The following BLK variants were observed in gnomAD, a reference collection of about 807,000 sequenced individuals.
BLK encodes the protein tyrosine-protein kinase Blk.
Under a neutral mutation model 61.8 loss-of-function variants are expected in BLK, and 64 were observed. That is an observed-to-expected ratio of 1.03 (90% confidence interval 0.85 to 1.27). BLK has a LOEUF of 1.27. Ranked by LOEUF, BLK falls within the 50% of genes most tolerant of loss-of-function variation. The probability of loss-of-function intolerance (pLI) is 0.00; values close to 1 mark genes in which losing one functional copy is unlikely to be tolerated. For missense variants in BLK, 853 were observed against 660.5 expected (o/e 1.29, Z -3.19); for synonymous variants, 351 against 272.0 (o/e 1.29, Z -2.86).
chr8:11,558,422 G>C (rs752628792), intron 10 of BLK: 1 of 361,902 alleles, frequency 2.8e-6, no homozygotes, highest in Non-Finnish European at 5.4e-6. Context: ...CTCTTCCTTA[G>C]ATGGTGCCCA....
intron 1 of BLK, among the ~76,000 whole-genome samples, chr8:11,540,500 T>C (rs775758487): frequency 1.2e-4 from 19 of 152,192 alleles, no homozygotes; most frequent in Non-Finnish European, 1.9e-4. Flanking sequence ...GATGATTTTA[T>C]GCAATTACAA....
intron 1 of BLK, among the ~76,000 whole-genome samples, chr8:11,505,461 C>T (rs934678450): frequency 2.0e-5 from 3 of 152,178 alleles, no homozygotes; most frequent in African/African-American, 4.8e-5. Flanking sequence ...CAATGCAGGG[C>T]CAACTGTAGC....
At chr8:11,538,071 TAG>T (rs1459663220) in intron 1 of BLK, among the ~76,000 whole-genome samples, 2 of 152,028 alleles carry the variant, frequency 1.3e-5, no homozygotes, top group Non-Finnish European at 2.9e-5. Flanking sequence ...CGTGCACACA[TAG>T]ACACACACAC....
intron 1 of BLK, among the ~76,000 whole-genome samples, chr8:11,495,222 G>A (rs1798320347): frequency 6.6e-6 from 1 of 152,154 alleles, no homozygotes; most frequent in Non-Finnish European, 1.5e-5. Context: ...GTAAGGTTTT[G>A]ACAACGTTTC....
Position 11,510,592 on chromosome 8 carries a change from T to G in BLK, c.-2+16001T>G, listed in dbSNP as rs187117072. Among the ~76,000 whole-genome samples the G allele has an allele frequency of 3.9e-5, 6 of 152,212 alleles. No homozygotes were observed. The East Asian group carries it at 1.2e-3, about 29-fold the overall frequency. On this transcript the variant is annotated intron_variant, in intron 1 of 12. Coordinates refer to ENST00000259089, the MANE Select transcript of BLK (RefSeq NM_001715.3). ...TCAACGGGGGCTGTGGCCCCAAAAATGTTTTTTAAAAAACCCAGCTTTCTC... is the reference window on the plus strand; with the variant it reads ...TCAACGGGGGCTGTGGCCCCAAAAAGGTTTTTTAAAAAACCCAGCTTTCTC...
chr8:11,557,890 A>G (rs112352412), intron 9 of BLK, 72 bp from the exon 10 acceptor site: 1 of 1,411,284 alleles, frequency 7.1e-7, no homozygotes, highest in Non-Finnish European at 1.0e-6. Flanking sequence ...AGCCACTCAC[A>G]CCAGAGAGAG....
At chr8:11,563,836 G>T in intron 12 of BLK, 67 bp from the exon 13 acceptor site, 1 of 1,477,168 alleles carries the variant, frequency 6.8e-7, no homozygotes, top group Admixed American at 2.0e-5. Context: ...CCCGCGGGAC[G>T]CTCAGGGCCC....
At chr8:11,502,075 G>C (rs948268850) in intron 1 of BLK, among the ~76,000 whole-genome samples, 1 of 152,194 alleles carries the variant, frequency 6.6e-6, no homozygotes, top group Non-Finnish European at 1.5e-5. Context: ...ACATGGGTTC[G>C]AGATGCGCAG....
chr8:11,558,007 C>A lies in BLK; in HGVS notation c.998C>A (p.Ser333Ter). 1.2e-6 allele frequency: 2 copies of A among 1,614,096 alleles called. No individual in the cohort carries two copies. The highest frequency in any genetic ancestry group is 2.2e-5 in the South Asian group (2 of 91,054). ...AAGACAGATGAAGGGAGCAGATTGTCACTCCCAAGGCTGATTGACATGTCG... is the reference window on the plus strand; with the variant it reads ...AAGACAGATGAAGGGAGCAGATTGTAACTCCCAAGGCTGATTGACATGTCG... ...FLKTDEGSRL[S>*]LPRLIDMSAQ... Residue 333 changes from serine to a stop codon, truncating the protein, a stop_gained, in exon 10 of 13, where the codon TCA becomes TAA. Transcript: ENST00000259089. LOFTEE classifies it high-confidence loss of function.
chr8:11,554,622 G>C (rs1258709496), intron 6 of BLK, 121 bp from the exon 7 acceptor site: 3 of 1,195,248 alleles, frequency 2.5e-6, no homozygotes, highest in Non-Finnish European at 3.6e-6. Context: ...TGGAGGGAGT[G>C]CTGATAATGA....
chr8:11,563,249 C>T (rs1801574277), intron 12 of BLK, 139 bp downstream of exon 12: 5 of 1,284,082 alleles, frequency 3.9e-6, no homozygotes, highest in Admixed American at 2.2e-5. Flanking sequence ...CCAGGCATGG[C>T]ATCTGGGGTG....
intron 1 of BLK, among the ~76,000 whole-genome samples, chr8:11,519,575 A>G (rs898984833): frequency 6.6e-6 from 1 of 152,262 alleles, no homozygotes; most frequent in African/African-American, 2.4e-5. Flanking sequence ...GTTTATGTAC[A>G]GCATCGTAAC....
intron 1 of BLK, among the ~76,000 whole-genome samples, chr8:11,541,097 C>G (rs529019897): frequency 4.9e-4 from 75 of 152,236 alleles, no homozygotes; most frequent in Admixed American, 8.5e-4. Context: ...AAAACCCTGT[C>G]TCTACCAAAA....
rs563821409 is a variant in BLK, at chr8:11,544,312, C to T, written c.123+965C>T. On this transcript the variant is annotated intron_variant, in intron 2 of 12. Transcript: ENST00000259089. ...TCTTTGTGCTCTCTCCACTCCCTGA[C>T]CAGTGACCCCCTTTTGGTTTGGGGC... Among the ~76,000 whole-genome samples, 3 of 152,276 alleles carry T rather than the reference C, an allele frequency of 2.0e-5. No individual in the cohort carries two copies. The East Asian group carries it at 5.8e-4, about 29-fold the overall frequency.
intron 1 of BLK, among the ~76,000 whole-genome samples, chr8:11,500,520 G>A (rs1385720923): frequency 6.7e-6 from 1 of 149,378 alleles, no homozygotes; most frequent in Non-Finnish European, 1.5e-5. Context: ...GTTTTATTTT[G>A]TTTTTGTTTG....
chr8:11,548,975 G>A (rs748323111), intron 4 of BLK, 49 bp from the exon 5 acceptor site: 8 of 1,510,618 alleles, frequency 5.3e-6, no homozygotes, highest in African/African-American at 1.4e-5. Flanking sequence ...GCCCAGTGAC[G>A]GGCCTACAGG....
chr8:11,517,594 C>T (rs1416171026), intron 1 of BLK, among the ~76,000 whole-genome samples: 2 of 152,230 alleles, frequency 1.3e-5, no homozygotes, highest in African/African-American at 2.4e-5. Context: ...CTGCTTTCCC[C>T]GTGATGTTTG....
At chr8:11,511,669 G>A (rs961926967) in intron 1 of BLK, among the ~76,000 whole-genome samples, 34 of 152,234 alleles carry the variant, frequency 2.2e-4, no homozygotes, top group African/African-American at 8.2e-4. Context: ...TTGAAAACTA[G>A]CAGTCTTTAA....
At chr8:11,531,264 T>C (rs1799876722) in intron 1 of BLK, among the ~76,000 whole-genome samples, 2 of 152,230 alleles carry the variant, frequency 1.3e-5, no homozygotes, top group African/African-American at 4.8e-5. Context: ...GATTTAGCTA[T>C]TTCTTTTCTT....
Sources: allele counts gnomAD v4.1 joint callset (sites outside exome capture counted in the v4.1 genomes callset), GRCh38; gene constraint gnomAD v4.1.1; transcripts MANE v1.5; gene names NCBI Gene and HGNC (gene_info 2026-07-23, HGNC 2026-07-21).